Variants in RSRC1 observed in about 807,000 individuals in gnomAD.
RSRC1 encodes serine/Arginine-related protein 53.
A neutral mutation model predicts 49.1 loss-of-function variants in RSRC1; 39 were observed. The ratio of observed to expected loss-of-function variants is 0.79; its 90% CI spans 0.61 to 1.04. The LOEUF (loss-of-function observed/expected upper bound fraction) is 1.04. RSRC1 is among the 50% of genes least tolerant of loss of function. RSRC1 has a pLI of 0.00. For missense variants in RSRC1, 388 were observed against 402.4 expected (o/e 0.96, Z 0.31); for synonymous variants, 143 against 130.8 (o/e 1.09, Z -0.63).
intron 6 of RSRC1, among the ~76,000 whole-genome samples, chr3:158,416,078 A>G (rs995273061): frequency 6.6e-5 from 10 of 152,064 alleles, no homozygotes; most frequent in African/African-American, 2.2e-4. Context: ...GTGCTCTCAA[A>G]TGTAATGCTT....
intron 6 of RSRC1, among the ~76,000 whole-genome samples, chr3:158,363,821 A>G (rs1731613014): frequency 6.6e-6 from 1 of 152,206 alleles, no homozygotes; most frequent in South Asian, 2.1e-4. Flanking sequence ...TAGTAGCTAA[A>G]TTTATAACTT....
At chr3:158,205,868 A>T (rs1047778448) in intron 4 of RSRC1, among the ~76,000 whole-genome samples, 6 of 152,142 alleles carry the variant, frequency 3.9e-5, no homozygotes, top group African/African-American at 1.2e-4. Flanking sequence ...AAAGTTTACG[A>T]ATTTGTGTTG....
chr3:158,232,147 A>G (rs1723002861), intron 4 of RSRC1, among the ~76,000 whole-genome samples: 1 of 152,134 alleles, frequency 6.6e-6, no homozygotes, highest in Non-Finnish European at 1.5e-5. Flanking sequence ...CTTTGGCTTT[A>G]TGTAATTTTA....
At chr3:158,379,782 C>T (rs117415840) in intron 6 of RSRC1, among the ~76,000 whole-genome samples, 2 of 148,232 alleles carry the variant, frequency 1.3e-5, no homozygotes, top group East Asian at 4.0e-4. Flanking sequence ...ACTGCACCTC[C>T]CCCCTACACA....
intron 3 of RSRC1, among the ~76,000 whole-genome samples, chr3:158,201,888 TGA>T: frequency 6.6e-6 from 1 of 152,214 alleles, no homozygotes. Flanking sequence ...CTAGGAATTT[TGA>T]GTTTTTATCC....
chr3:158,440,053 C>G (rs533769407), intron 6 of RSRC1, among the ~76,000 whole-genome samples: 18 of 152,130 alleles, frequency 1.2e-4, no homozygotes, highest in African/African-American at 4.3e-4. Context: ...TTGATAGGTG[C>G]AGCAAACTAC....
At chr3:158,229,344 G>A (rs1220896334) in intron 4 of RSRC1, among the ~76,000 whole-genome samples, 2 of 145,280 alleles carry the variant, frequency 1.4e-5, no homozygotes, top group Admixed American at 6.9e-5. Flanking sequence ...GTGTATGTAT[G>A]TATATATATA....
intron 7 of RSRC1, among the ~76,000 whole-genome samples, chr3:158,493,890 C>T (rs997607798): frequency 7.9e-5 from 12 of 151,998 alleles, no homozygotes; most frequent in African/African-American, 2.2e-4. Context: ...CATAAGGACT[C>T]GAGTATGGAG....
rs576174226 is a variant in RSRC1, at chr3:158,221,295, A to G, written c.494+18050A>G. Among the ~76,000 whole-genome samples, 3 of 151,674 alleles carry G rather than the reference A, an allele frequency of 2.0e-5. No individual in the cohort carries two copies. The East Asian group carries it at 5.8e-4, about 30-fold the overall frequency. ...TGCAGTTTATTGAATTTAGATAGCA[A>G]AATATTCCCTAATAACTTTGTCAAA... On this transcript the variant is annotated intron_variant, in intron 4 of 9. Coordinates refer to ENST00000611884, the MANE Select transcript of RSRC1 (RefSeq NM_001271838.2).
chr3:158,126,931 C>A (rs1304587797), intron 3 of RSRC1, among the ~76,000 whole-genome samples: 2 of 151,100 alleles, frequency 1.3e-5, no homozygotes, highest in Non-Finnish European at 2.9e-5. Flanking sequence ...TTGCTTTCAG[C>A]ACTTTGAATA....
rs577117661 is a variant in RSRC1 at position 158,233,272 on chromosome 3, T to C, written c.494+30027T>C. Among the ~76,000 whole-genome samples, 10 of 152,314 alleles carry C rather than the reference T, an allele frequency of 6.6e-5. No individual in the cohort carries two copies. In the South Asian group the frequency reaches 1.4e-3, roughly 22 times the overall value. ...TTTATATCAGTGGGCCAAAGCCGTCTATATTTTCCTGAAATTATTATAGCA... is the reference window on the plus strand; with the variant it reads ...TTTATATCAGTGGGCCAAAGCCGTCCATATTTTCCTGAAATTATTATAGCA... On this transcript the variant is annotated intron_variant, in intron 4 of 9. Transcript: ENST00000611884.
intron 5 of RSRC1, chr3:158,302,816 C>T (rs536423795): frequency 4.9e-4 from 75 of 152,020 alleles, no homozygotes; most frequent in African/African-American, 1.6e-3. Flanking sequence ...CACCGGCCAC[C>T]ATGCCTGGCT....
intron 4 of RSRC1, 40 bp from the exon 5 acceptor site, chr3:158,297,999 G>A (rs541881876): frequency 6.9e-7 from 1 of 1,459,134 alleles, no homozygotes; most frequent in East Asian, 2.3e-5. Flanking sequence ...AGCAGACAAG[G>A]ATTTAGCAAC....
At chr3:158,269,799 C>T (rs1725402271) in intron 4 of RSRC1, among the ~76,000 whole-genome samples, 1 of 152,138 alleles carries the variant, frequency 6.6e-6, no homozygotes, top group South Asian at 2.1e-4. Context: ...GTGCCTGGCC[C>T]AGAAAACAGA....
chr3:158,444,620 A>C (rs907547104), intron 6 of RSRC1, among the ~76,000 whole-genome samples: 2 of 152,220 alleles, frequency 1.3e-5, no homozygotes, highest in African/African-American at 4.8e-5. Flanking sequence ...TGTCTAAAAC[A>C]GCAAAAGCAA....
chr3:158,263,239 T>G (rs1412625881), intron 4 of RSRC1, among the ~76,000 whole-genome samples: 1 of 152,140 alleles, frequency 6.6e-6, no homozygotes, highest in Non-Finnish European at 1.5e-5. Flanking sequence ...AAGAAATGGT[T>G]GTTTTATTTT....
chr3:158,139,306 C>T (rs1716588976), intron 3 of RSRC1, among the ~76,000 whole-genome samples: 1 of 151,870 alleles, frequency 6.6e-6, no homozygotes, highest in African/African-American at 2.4e-5. Context: ...GAGGCTAAGG[C>T]AGGGCAGGAG....
rs182724006 is a variant in RSRC1 at position 158,365,128 on chromosome 3, A to G, written c.583+10220A>G. Among the ~76,000 whole-genome samples, 52 of 152,214 alleles carry G rather than the reference A, an allele frequency of 3.4e-4. No homozygotes were observed. The East Asian group carries it at 7.4e-3, about 22-fold the overall frequency. ...CAGTTAAAAGACATTATCAGGAATTAAGAATAGTGCTTTTATTTATTTCAT... is the reference window on the plus strand; with the variant it reads ...CAGTTAAAAGACATTATCAGGAATTGAGAATAGTGCTTTTATTTATTTCAT... On this transcript the variant is annotated intron_variant, in intron 6 of 9. Coordinates refer to ENST00000611884, the MANE Select transcript of RSRC1 (RefSeq NM_001271838.2).
chr3:158,454,112 T>C (rs1447492573), intron 6 of RSRC1, among the ~76,000 whole-genome samples: 1 of 152,126 alleles, frequency 6.6e-6, no homozygotes, highest in East Asian at 1.9e-4. Context: ...CCTGAGAAAC[T>C]GTGCCTTTCT....
Sources: gnomAD v4.1 joint callset for allele counts (sites outside exome capture counted in the v4.1 genomes callset) on GRCh38, gnomAD v4.1.1 for gene constraint, MANE v1.5 for transcripts, NCBI Gene and HGNC (gene_info 2026-07-23, HGNC 2026-07-21) for gene names.